The following DCUN1D1 variants were observed in gnomAD, a reference collection of about 807,000 sequenced individuals.
DCUN1D1 encodes the protein defective in cullin neddylation 1 domain containing 1, also known as DCN1-like protein 1.
A neutral mutation model predicts 39.0 loss-of-function variants in DCUN1D1; 3 were observed. The observed-to-expected ratio is 0.08, with a 90% CI of 0.04 to 0.20. DCUN1D1 has a LOEUF of 0.20. Ranked by LOEUF, DCUN1D1 falls within the 10% of genes least tolerant of loss-of-function variation. The pLI is 1.00. For synonymous variants in DCUN1D1, 82 were observed against 96.3 expected (o/e 0.85, Z 0.87); for missense variants, 158 against 302.4 (o/e 0.52, Z 3.54).
chr3:182,967,491 T>C (rs1024655099), intron 1 of DCUN1D1, among the ~76,000 whole-genome samples: 3 of 152,224 alleles, frequency 2.0e-5, no homozygotes, highest in Non-Finnish European at 4.4e-5. Context: ...ATTTCCCTTT[T>C]TCTTGCAATA....
In DCUN1D1 at chr3:182,945,007, T is replaced by C; in HGVS notation, c.*87A>G. 1 of 1,134,960 alleles carries C rather than the reference T, an allele frequency of 8.8e-7. No homozygotes were observed. Among genetic ancestry groups the C allele is most frequent in the East Asian group, 2.4e-5 (1 of 42,032 alleles). 70.3% of individuals were successfully genotyped at this position (1,134,960 alleles called of 1,614,324 possible). A position where few individuals can be genotyped will look rare whatever the true frequency, so the allele number is the denominator to read the frequency against. ...CTGAATTGTGAGGATTGATCTTCAG[T>C]TCAGTCCAGCCAGCAGAAATTGACT... On this transcript the variant is annotated 3_prime_UTR_variant, in exon 7 of 7. Transcript: ENST00000292782.
rs1217827644 is a variant in DCUN1D1, at chr3:182,944,965, T to C, written c.*129A>G. On this transcript the variant is annotated 3_prime_UTR_variant, in exon 7 of 7. Transcript: ENST00000292782. ...TGGTCCAAGATGTATCCTTAAAGTT[T>C]TGTCTCAACCCTCAGTCTGAATTGT... The C allele has an allele frequency of 2.7e-6, 2 of 746,930 alleles. No homozygotes were observed. The highest frequency in any genetic ancestry group is 2.6e-5 in the East Asian group (1 of 37,948). 46.3% of individuals were successfully genotyped at this position (746,930 alleles called of 1,614,324 possible).
At chr3:182,967,768 A>G (rs896759601) in intron 1 of DCUN1D1, among the ~76,000 whole-genome samples, 1 of 152,250 alleles carries the variant, frequency 6.6e-6, no homozygotes, top group African/African-American at 2.4e-5. Context: ...TTACTGTTCA[A>G]TGACAACAAA....
At chr3:182,975,398 G>C (rs1362936848) in intron 1 of DCUN1D1, among the ~76,000 whole-genome samples, 3 of 151,772 alleles carry the variant, frequency 2.0e-5, no homozygotes, top group South Asian at 2.1e-4. Context: ...GGATGGTCTT[G>C]ATCTCCTGAC....
chr3:182,969,165 A>G (rs1323622692), intron 1 of DCUN1D1, among the ~76,000 whole-genome samples: 1 of 152,194 alleles, frequency 6.6e-6, no homozygotes, highest in Non-Finnish European at 1.5e-5. Flanking sequence ...TTCCTAGAAT[A>G]CATTGTAACA....
rs1302593814 is a variant in DCUN1D1 at position 182,943,055 on chromosome 3, T to A, written c.*2039A>T. On this transcript the variant is annotated 3_prime_UTR_variant, in exon 7 of 7. Transcript: ENST00000292782. Reference sequence around the variant, plus strand: ...TTTTGCATTTAAAAAGAAAAATATGTAAAATCCAAGGCACTAGGCCACGAA... The same window carrying A: ...TTTTGCATTTAAAAAGAAAAATATGAAAAATCCAAGGCACTAGGCCACGAA... 8.5e-6 allele frequency: 1 copy of A among 117,402 alleles called. No homozygotes were observed. The highest frequency in any genetic ancestry group is 9.8e-5 in the Admixed American group (1 of 10,168). The allele number at this position is 117,402 out of a possible 1,614,324, so 7.3% of individuals were successfully genotyped here. A position where few individuals can be genotyped will look rare whatever the true frequency, so the allele number is the denominator to read the frequency against.
In DCUN1D1 at chr3:182,961,311, T is replaced by C. The variant is rs61735023; in HGVS notation, c.435A>G (p.Glu145=). The stretch of plus-strand genomic sequence containing the variant: ...ATCGTCCTGGTTCTTTCAATTCTTG[T>C]TCCATCTTGGGTATCTGGGCCTTTA... ...EKLKAQIPKM[E]QELKEPGRFK... The change falls in exon 4 of 7, where the codon GAA becomes GAG. Residue 145 remains glutamate, a synonymous_variant. Coordinates refer to ENST00000292782, the MANE Select transcript of DCUN1D1 (RefSeq NM_020640.4). 34 of 1,606,340 alleles carry C rather than the reference T, an allele frequency of 2.1e-5. No individual in the cohort carries two copies. In the African/African-American group the frequency reaches 4.0e-4, roughly 19 times the overall value.
upstream of DCUN1D1, chr3:182,980,692 C>T (rs998535417): frequency 3.1e-5 from 16 of 524,286 alleles, no homozygotes; most frequent in African/African-American, 2.7e-4. Flanking sequence ...CGCGGGGCTT[C>T]CCCCGGGCGC....
intron 4 of DCUN1D1, among the ~76,000 whole-genome samples, chr3:182,953,164 A>G (rs1286927160): frequency 6.6e-6 from 1 of 152,034 alleles, no homozygotes; most frequent in East Asian, 1.9e-4. Context: ...CAAAAACTAT[A>G]CCCTTTTTGA....
At chr3:182,945,576 G>A (rs1027372075) in intron 6 of DCUN1D1, among the ~76,000 whole-genome samples, 2 of 151,196 alleles carry the variant, frequency 1.3e-5, no homozygotes, top group Admixed American at 1.3e-4. Context: ...CAGCCTGGGG[G>A]ACAGAGCGAG....
At chr3:182,985,450 A>G (rs898733213), upstream of DCUN1D1, 2 of 152,228 alleles carry the variant, frequency 1.3e-5, no homozygotes, top group African/African-American at 4.8e-5. Flanking sequence ...ACTAACATGG[A>G]AAAACCCTGT....
chr3:182,961,454 A>G, intron 3 of DCUN1D1, 98 bp from the exon 4 acceptor site: 2 of 1,123,212 alleles, frequency 1.8e-6, no homozygotes, highest in Admixed American at 2.5e-5. Context: ...TCCTAGAACT[A>G]CTTTTTTAAA....
intron 1 of DCUN1D1, among the ~76,000 whole-genome samples, chr3:182,977,039 C>T (rs1728272466): frequency 6.6e-6 from 1 of 152,170 alleles, no homozygotes; most frequent in South Asian, 2.1e-4. Flanking sequence ...ATTGATCACC[C>T]ATTAATATGA....
At position 182,961,362 on chromosome 3, in the gene DCUN1D1, T is replaced by C. The variant is rs1214081885; in HGVS notation, c.390-6A>G. 3.8e-6 allele frequency: 6 copies of C among 1,581,806 alleles called. No individual in the cohort carries two copies. The Admixed American group carries it at 9.7e-5, about 26-fold the overall frequency. ...GTTTTTCTATGCTGTCACATCTGCG[T>C]CGTAAAATTAAGTTTATAAAAGATT... On this transcript the variant is annotated splice_region_variant and splice_polypyrimidine_tract_variant and intron_variant, in intron 3 of 6. Transcript: ENST00000292782.
At chr3:182,946,748 T>G (rs1726428670) in intron 6 of DCUN1D1, among the ~76,000 whole-genome samples, 1 of 151,388 alleles carries the variant, frequency 6.6e-6, no homozygotes, top group African/African-American at 2.4e-5. Context: ...GAATGCTGAG[T>G]AGGAATTGAA....
intron 4 of DCUN1D1, among the ~76,000 whole-genome samples, chr3:182,949,048 CAA>C (rs779071128): frequency 9.4e-5 from 11 of 117,494 alleles, no homozygotes; most frequent in Non-Finnish European, 1.1e-4. Context: ...AACTCCGTCT[CAA>C]AAAAAAAAAA....
intron 4 of DCUN1D1, among the ~76,000 whole-genome samples, chr3:182,952,511 A>G (rs1726806091): frequency 6.6e-6 from 1 of 152,142 alleles, no homozygotes; most frequent in East Asian, 1.9e-4. Context: ...GAACAACTTC[A>G]ACTCAGGAGG....
chr3:182,948,973 G>A (rs761769106), intron 4 of DCUN1D1, among the ~76,000 whole-genome samples: 1 of 151,432 alleles, frequency 6.6e-6, no homozygotes, highest in Non-Finnish European at 1.5e-5. Flanking sequence ...GCTTGAAACC[G>A]GAAGGCGGAG....
chr3:182,940,114 G>C lies in DCUN1D1; in HGVS notation c.*4980C>G, dbSNP rs932129286. The C allele has an allele frequency of 2.0e-4, 31 of 151,980 alleles. No homozygotes were observed. Among genetic ancestry groups the C allele is most frequent in the Non-Finnish European group, 1.6e-4 (11 of 68,000 alleles). The allele number at this position is 151,980 out of a possible 1,614,324, so 9.4% of individuals were successfully genotyped here. ...CACTGTTAACGATTTAATTAGCATTGTCCCTTAGCCATTTCATTAATTGGT... is the reference window on the plus strand; with the variant it reads ...CACTGTTAACGATTTAATTAGCATTCTCCCTTAGCCATTTCATTAATTGGT... On this transcript the variant is annotated 3_prime_UTR_variant, in exon 7 of 7. Coordinates refer to ENST00000292782, the MANE Select transcript of DCUN1D1 (RefSeq NM_020640.4).
Sources: gnomAD v4.1 joint callset for allele counts (sites outside exome capture counted in the v4.1 genomes callset) on GRCh38, gnomAD v4.1.1 for gene constraint, MANE v1.5 for transcripts, NCBI Gene and HGNC (gene_info 2026-07-23, HGNC 2026-07-21) for gene names.